The following LRRC74A variants were observed in gnomAD, a reference collection of about 807,000 sequenced individuals.
LRRC74A encodes the protein leucine rich repeat containing 74A, also known as leucine-rich repeat-containing protein 74A.
In LRRC74A, 44 loss-of-function variants were observed where a neutral mutation model predicts 57.9. That is an observed-to-expected ratio of 0.76 (90% CI 0.60 to 0.98). The LOEUF is 0.98. Among genes scored for constraint, LRRC74A ranks in the 50% least tolerant of loss-of-function variants. LRRC74A has a pLI of 0.00. For synonymous variants in LRRC74A, 211 were observed against 219.4 expected (o/e 0.96, Z 0.34); for missense variants, 572 against 574.0 (o/e 1.00, Z 0.04).
rs370138250 is a variant in LRRC74A at position 76,841,827 on chromosome 14, C to G, written c.545-2596C>G. On this transcript the variant is annotated intron_variant, in intron 5 of 13. Coordinates refer to ENST00000689127, the MANE Select transcript of LRRC74A (RefSeq NM_001385106.1). ...TCCTGGGTTCAAGCGATTCTCCTGC[C>G]TCAGCCTACCGAGTAGCTGAGATTA... Among the ~76,000 whole-genome samples the G allele has an allele frequency of 2.8e-4, 42 of 151,946 alleles. 2 individuals carry two copies. In the South Asian group the frequency reaches 6.2e-3, roughly 23 times the overall value.
At position 76,867,416 on chromosome 14, in the gene LRRC74A, A is replaced by G. The variant is rs201031570; in HGVS notation, c.1369A>G (p.Lys457Glu). Reference sequence around the variant, plus strand: ...GGAGGTGATAAAGAAGCTCGATGAGAAGACAGGCATGGTGAACTTCAGGTC... The same window carrying G: ...GGAGGTGATAAAGAAGCTCGATGAGGAGACAGGCATGGTGAACTTCAGGTC... ...VREVIKKLDE[K>E]TGMVNFSFLN... Residue 457 changes from lysine (K) to glutamate (E), a missense_variant, in exon 13 of 14, where the codon AAG becomes GAG. By Grantham distance (56) the Lys-to-Glu change is moderately conservative. Coordinates refer to ENST00000689127, the MANE Select transcript of LRRC74A (RefSeq NM_001385106.1). 6.7e-4 allele frequency: 1,069 copies of G among 1,599,592 alleles called. 3 individuals are homozygous for G. Among genetic ancestry groups the G allele is most frequent in the Admixed American group, 1.2e-3 (69 of 59,880 alleles).
chr14:76,840,207 G>C (rs1406022941), intron 5 of LRRC74A, among the ~76,000 whole-genome samples: 3 of 152,132 alleles, frequency 2.0e-5, no homozygotes, highest in Non-Finnish European at 4.4e-5. Context: ...ATCTACTCAG[G>C]AGGCTGAGGT....
At position 76,841,766 on chromosome 14, in the gene LRRC74A, G is replaced by T. The variant is rs1405904735; in HGVS notation, c.545-2657G>T. Reference sequence around the variant, plus strand: ...TTCACTCTTGTTGCCAGGCTGGAGTGCAATGGCATGATCTTGGCTCACTGC... The same window carrying T: ...TTCACTCTTGTTGCCAGGCTGGAGTTCAATGGCATGATCTTGGCTCACTGC... On this transcript the variant is annotated intron_variant, in intron 5 of 13. Transcript: ENST00000689127. Among the ~76,000 whole-genome samples the T allele has an allele frequency of 5.4e-5, 8 of 147,290 alleles. 1 individual carries two copies. The Admixed American group carries it at 5.5e-4, about 10-fold the overall frequency.
Position 76,844,817 on chromosome 14 carries a change from T to C in LRRC74A, c.595-3T>C, listed in dbSNP as rs1897013732. 6.6e-7 allele frequency: 1 copy of C among 1,517,074 alleles called. No homozygotes were observed. Among genetic ancestry groups the C allele is most frequent in the East Asian group, 2.3e-5 (1 of 44,386 alleles). The allele number at this position is 1,517,074 out of a possible 1,614,324, so 94.0% of individuals were successfully genotyped here. A position where few individuals can be genotyped will look rare whatever the true frequency, so the allele number is the denominator to read the frequency against. ...CTTCTCTTTCCCCTGTTTGTTTCTG[T>C]AGACCAATTACCAAATTAAAAAGCT... On this transcript the variant is annotated splice_region_variant and splice_polypyrimidine_tract_variant and intron_variant, in intron 6 of 13. Coordinates refer to ENST00000689127, the MANE Select transcript of LRRC74A (RefSeq NM_001385106.1).
intron 1 of LRRC74A, among the ~76,000 whole-genome samples, chr14:76,828,052 C>G (rs779126306): frequency 5.9e-5 from 9 of 152,206 alleles, no homozygotes; most frequent in Non-Finnish European, 1.2e-4. Context: ...GAAGGAGCAG[C>G]CGGTCTCCAG....
At chr14:76,838,052 A>G (rs1896492701) in intron 5 of LRRC74A, 81 bp downstream of exon 5, 2 of 919,512 alleles carry the variant, frequency 2.2e-6, no homozygotes, top group African/African-American at 1.7e-5. Flanking sequence ...TCAATGTCTC[A>G]TTGAACCAGA....
In LRRC74A at chr14:76,838,205, A is replaced by G. The variant is rs545660646; in HGVS notation, c.544+234A>G. On this transcript the variant is annotated intron_variant, in intron 5 of 13. Coordinates refer to ENST00000689127, the MANE Select transcript of LRRC74A (RefSeq NM_001385106.1). ...TAAACAATAATTTATCATGTACTTTACCACCCAAACTGAATAGGGAACTAT... is the reference window on the plus strand; with the variant it reads ...TAAACAATAATTTATCATGTACTTTGCCACCCAAACTGAATAGGGAACTAT... Among the ~76,000 whole-genome samples, 4 of 152,272 alleles carry G rather than the reference A, an allele frequency of 2.6e-5. No homozygotes were observed. In the South Asian group the frequency reaches 6.2e-4, roughly 24 times the overall value.
intron 7 of LRRC74A, among the ~76,000 whole-genome samples, chr14:76,849,485 G>A (rs564467056): frequency 2.6e-5 from 4 of 151,984 alleles, no homozygotes; most frequent in Admixed American, 1.3e-4. Context: ...TGTTATAATC[G>A]TACTGCAAGT....
intron 11 of LRRC74A, among the ~76,000 whole-genome samples, chr14:76,862,584 GCAGAAAATGTAGT>G (rs1898403714): frequency 6.6e-6 from 1 of 152,006 alleles, no homozygotes; most frequent in South Asian, 2.1e-4. Flanking sequence ...AGTGACAGAG[GCAGAAAATGTAGT>G]CAGAATCCAA....
chr14:76,856,609 G>A (rs115616239), intron 9 of LRRC74A, among the ~76,000 whole-genome samples: 1,443 of 137,800 alleles, frequency 0.01, 29 homozygotes, highest in African/African-American at 0.036. Context: ...GATGACAGGT[G>A]GATGGATGAG....
At chr14:76,830,676 A>G (rs1895908134) in intron 2 of LRRC74A, among the ~76,000 whole-genome samples, 1 of 152,254 alleles carries the variant, frequency 6.6e-6, no homozygotes, top group African/African-American at 2.4e-5. Flanking sequence ...CATTTTGAGA[A>G]GTCCACTCTG....
At chr14:76,869,881 G>A (rs1899307292) in intron 13 of LRRC74A, among the ~76,000 whole-genome samples, 2 of 152,102 alleles carry the variant, frequency 1.3e-5, no homozygotes, top group Non-Finnish European at 2.9e-5. Context: ...AAGGGCTCTT[G>A]CAAACGATCT....
chr14:76,842,516 G>A (rs1896843073), intron 5 of LRRC74A, among the ~76,000 whole-genome samples: 1 of 152,174 alleles, frequency 6.6e-6, no homozygotes, highest in South Asian at 2.1e-4. Flanking sequence ...CTTACAACCA[G>A]CTCTGTAGTA....
At position 76,860,831 on chromosome 14, in the gene LRRC74A, C is replaced by G. The variant is rs1330877210; in HGVS notation, c.1192C>G (p.Leu398Val). 1 of 1,605,390 alleles carries G rather than the reference C, an allele frequency of 6.2e-7. No homozygotes were observed. ...TIFLLTNPMK[L>V]IQSYADQHKI... ...CTTCTTGTTGACAAACCCCATGAAA[C>G]TGATCCAGGTGAGCTCCTGCCTTCC... The change falls in exon 11 of 14, where the codon CTG becomes GTG. Residue 398 changes from leucine (L) to valine (V), a missense_variant. By Grantham distance (32) the Leu-to-Val change is conservative. Coordinates refer to ENST00000689127, the MANE Select transcript of LRRC74A (RefSeq NM_001385106.1).
intron 12 of LRRC74A, among the ~76,000 whole-genome samples, chr14:76,866,403 G>A (rs1898798857): frequency 6.6e-6 from 1 of 152,184 alleles, no homozygotes; most frequent in South Asian, 2.1e-4. Flanking sequence ...TGAGAGAGGA[G>A]ACCACATCCC....
chr14:76,836,410 TC>T, intron 4 of LRRC74A, 96 bp downstream of exon 4: 1 of 830,586 alleles, frequency 1.2e-6, no homozygotes, highest in Non-Finnish European at 1.9e-6. Context: ...CCAGGCTGCC[TC>T]CAGGCTCCTG....
intron 10 of LRRC74A, among the ~76,000 whole-genome samples, chr14:76,860,448 G>C (rs536004146): frequency 3.7e-4 from 56 of 152,298 alleles, no homozygotes; most frequent in African/African-American, 1.3e-3. Flanking sequence ...AGCTGAACTG[G>C]CAGCAGGTGA....
rs1187824961 is a variant in LRRC74A, at chr14:76,860,683, C to T, written c.1054-10C>T. 6.2e-7 allele frequency: 1 copy of T among 1,601,544 alleles called. No individual in the cohort carries two copies. Among genetic ancestry groups the T allele is most frequent in the Non-Finnish European group, 8.5e-7 (1 of 1,172,522 alleles). ...CTCATCATCATGGGTCCCCTCTCTC[C>T]CTGTCACAGAACGTGCTGGTGTCCG... On this transcript the variant is annotated splice_polypyrimidine_tract_variant and intron_variant, in intron 10 of 13. Coordinates refer to ENST00000689127, the MANE Select transcript of LRRC74A (RefSeq NM_001385106.1).
intron 7 of LRRC74A, among the ~76,000 whole-genome samples, chr14:76,846,486 A>G (rs550989678): frequency 4.6e-5 from 7 of 151,674 alleles, no homozygotes; most frequent in Admixed American, 1.3e-4. Context: ...ATAAAAGAGG[A>G]AAAAAAAATA....
Sources: gnomAD v4.1 joint callset for allele counts (sites outside exome capture counted in the v4.1 genomes callset) on GRCh38, gnomAD v4.1.1 for gene constraint, MANE v1.5 for transcripts, NCBI Gene and HGNC (gene_info 2026-07-23, HGNC 2026-07-21) for gene names.